PTPRD: variants seen among roughly 807,000 people sequenced by gnomAD.
PTPRD encodes receptor-type tyrosine-protein phosphatase delta.
In PTPRD, 34 loss-of-function variants were observed where a neutral mutation model predicts 214.5. The ratio of observed to expected loss-of-function variants is 0.16; its 90% CI spans 0.12 to 0.21. PTPRD has a LOEUF of 0.21. PTPRD is among the 10% of genes least tolerant of loss of function. PTPRD has a pLI of 1.00. For synonymous variants in PTPRD, 1,128 were observed against 845.7 expected (o/e 1.33, Z -5.79); for missense variants, 2,545 against 2,398.7 (o/e 1.06, Z -1.27).
intron 3 of PTPRD, among the ~76,000 whole-genome samples, chr9:10,317,654 A>G (rs977744934): frequency 1.3e-4 from 20 of 152,038 alleles, no homozygotes; most frequent in Non-Finnish European, 4.4e-5. Context: ...TGTTTTTTAT[A>G]AGCAATCTTA....
At chr9:8,746,780 G>C (rs752263258) in intron 11 of PTPRD, among the ~76,000 whole-genome samples, 2 of 152,084 alleles carry the variant, frequency 1.3e-5, no homozygotes, top group Non-Finnish European at 2.9e-5. Context: ...GATCACTTGA[G>C]GTCAAGAGTT....
chr9:10,081,929 G>C (rs999311051), intron 3 of PTPRD, among the ~76,000 whole-genome samples: 1 of 152,020 alleles, frequency 6.6e-6, no homozygotes, highest in Non-Finnish European at 1.5e-5. Flanking sequence ...GTCATAACCA[G>C]TGTTTTGTAA....
chr9:9,666,089 C>T (rs916925594), intron 7 of PTPRD, among the ~76,000 whole-genome samples: 15 of 151,822 alleles, frequency 9.9e-5, no homozygotes, highest in African/African-American at 3.6e-4. Flanking sequence ...ATCCACATAT[C>T]AAGTTGTATA....
intron 11 of PTPRD, among the ~76,000 whole-genome samples, chr9:8,740,458 G>A (rs976373768): frequency 6.1e-4 from 93 of 152,200 alleles, no homozygotes; most frequent in African/African-American, 2.2e-3. Context: ...CGAGGGATAC[G>A]GGAAACACAT....
intron 5 of PTPRD, among the ~76,000 whole-genome samples, chr9:9,905,377 G>A (rs112947960): frequency 0.01 from 1,561 of 151,792 alleles, 28 homozygotes; most frequent in African/African-American, 0.035. Flanking sequence ...ACACTAAAGA[G>A]CATATAAAAT....
chr9:8,879,705 T>A (rs1387816661), intron 11 of PTPRD, among the ~76,000 whole-genome samples: 1 of 152,226 alleles, frequency 6.6e-6, no homozygotes, highest in Non-Finnish European at 1.5e-5. Flanking sequence ...GCGTTCCTGC[T>A]AACTGCTTTC....
At chr9:9,208,850 A>C (rs978917817) in intron 9 of PTPRD, among the ~76,000 whole-genome samples, 7 of 151,832 alleles carry the variant, frequency 4.6e-5, no homozygotes, top group South Asian at 2.1e-4. Flanking sequence ...CTCTGTCGCC[A>C]AAGCTGGAGT....
intron 2 of PTPRD, among the ~76,000 whole-genome samples, chr9:10,601,514 T>C (rs2077972829): frequency 6.6e-6 from 1 of 151,790 alleles, no homozygotes; most frequent in Non-Finnish European, 1.5e-5. Flanking sequence ...TAATCCAATA[T>C]ATCTTGTACT....
At chr9:10,260,355 T>A (rs1465773569) in intron 3 of PTPRD, among the ~76,000 whole-genome samples, 1 of 152,198 alleles carries the variant, frequency 6.6e-6, no homozygotes, top group Non-Finnish European at 1.5e-5. Context: ...TATCCTTTTA[T>A]CAGTAACTCA....
chr9:9,669,262 A>G (rs1443653857), intron 7 of PTPRD, among the ~76,000 whole-genome samples: 2 of 152,204 alleles, frequency 1.3e-5, no homozygotes, highest in Admixed American at 1.3e-4. Context: ...TTTAACCTCT[A>G]CAGTTGGCGA....
At chr9:10,473,742 A>G (rs910705828) in intron 2 of PTPRD, among the ~76,000 whole-genome samples, 4 of 152,116 alleles carry the variant, frequency 2.6e-5, no homozygotes, top group Non-Finnish European at 5.9e-5. Context: ...AAAAGCTTAA[A>G]GAGACATTTA....
intron 10 of PTPRD, among the ~76,000 whole-genome samples, chr9:9,161,228 G>A (rs58218240): frequency 0.06 from 9,104 of 152,104 alleles, 378 homozygotes; most frequent in Middle Eastern, 0.099. Context: ...GGAGGTGATA[G>A]GTATGTTAAT....
chr9:9,429,904 A>T (rs1425973874), intron 8 of PTPRD, among the ~76,000 whole-genome samples: 1 of 152,188 alleles, frequency 6.6e-6, no homozygotes, highest in East Asian at 1.9e-4. Flanking sequence ...ATGTATCTCA[A>T]AATAATAATA....
chr9:10,503,217 A>AAC (rs1406888502), intron 2 of PTPRD, among the ~76,000 whole-genome samples: 2 of 148,716 alleles, frequency 1.3e-5, no homozygotes, highest in East Asian at 2.0e-4. Flanking sequence ...ACAAAAAAAA[A>AAC]CACCATTTTT....
chr9:10,472,140 A>G (rs1001492906), intron 2 of PTPRD, among the ~76,000 whole-genome samples: 4 of 152,186 alleles, frequency 2.6e-5, no homozygotes, highest in African/African-American at 9.6e-5. Flanking sequence ...ATTAGAATAC[A>G]GTAAATGAAC....
intron 2 of PTPRD, among the ~76,000 whole-genome samples, chr9:10,511,585 T>TTTTTTTTTTTA (rs2048048517): frequency 7.2e-6 from 1 of 139,112 alleles, no homozygotes; most frequent in Non-Finnish European, 1.6e-5. Flanking sequence ...TTTTTTTTTT[T>TTTTTTTTTTTA]TTGTATTTTT....
At chr9:9,931,363 G>C (rs1270184483) in intron 5 of PTPRD, among the ~76,000 whole-genome samples, 1 of 152,172 alleles carries the variant, frequency 6.6e-6, no homozygotes. Context: ...AGGTCAGTGG[G>C]TGCGTGCACC....
intron 9 of PTPRD, among the ~76,000 whole-genome samples, chr9:9,255,550 A>G (rs2131815631): frequency 6.6e-6 from 1 of 152,056 alleles, no homozygotes; most frequent in Non-Finnish European, 1.5e-5. Context: ...ACATTGGGCA[A>G]CTCTCTCTGC....
chr9:10,187,423 G>A (rs1470209277), intron 3 of PTPRD, among the ~76,000 whole-genome samples: 1 of 152,108 alleles, frequency 6.6e-6, no homozygotes, highest in Non-Finnish European at 1.5e-5. Flanking sequence ...TTAGGCATTT[G>A]CACAAAGACC....
Sources: gnomAD v4.1 joint callset for allele counts (sites outside exome capture counted in the v4.1 genomes callset) on GRCh38, gnomAD v4.1.1 for gene constraint, MANE v1.5 for transcripts, NCBI Gene and HGNC (gene_info 2026-07-23, HGNC 2026-07-21) for gene names.